Variants in PHLDB1 observed in about 807,000 individuals in gnomAD.
The protein encoded by PHLDB1 is pleckstrin homology-like domain family B member 1.
In PHLDB1, 65 loss-of-function variants were observed where a neutral mutation model predicts 139.3. The ratio of observed to expected loss-of-function variants is 0.47; its 90% CI spans 0.38 to 0.57. The LOEUF (loss-of-function observed/expected upper bound fraction) is 0.57, where lower values mean the gene tolerates loss of function less well. Ranked by LOEUF, PHLDB1 falls within the 20% of genes least tolerant of loss-of-function variation. PHLDB1 has a pLI of 0.00. For synonymous variants in PHLDB1, 679 were observed against 734.5 expected (o/e 0.92, Z 1.22); for missense variants, 1,624 against 1,839.7 (o/e 0.88, Z 2.14).
At chr11:118,630,203 G>A in intron 6 of PHLDB1, 4 of 534,726 alleles carry the variant, frequency 7.5e-6, no homozygotes, top group South Asian at 6.6e-5. Context: ...AGCCATGGAA[G>A]CCTCACAAAC....
intron 20 of PHLDB1, chr11:118,652,152 A>T (rs1555137834): frequency 6.6e-6 from 1 of 152,144 alleles, no homozygotes; most frequent in African/African-American, 2.4e-5. Context: ...AGAGATGCTC[A>T]GGTCTGGAGT....
At chr11:118,653,962 G>C (rs1555139520) in intron 20 of PHLDB1, 1 of 152,224 alleles carries the variant, frequency 6.6e-6, no homozygotes. Context: ...TATTATTAAG[G>C]GAACAGTGAG....
Position 118,631,961 on chromosome 11 carries a change from G to A in PHLDB1, c.2149G>A (p.Glu717Lys). 1.2e-6 allele frequency: 2 copies of A among 1,614,152 alleles called. No individual in the cohort carries two copies. Among genetic ancestry groups the A allele is most frequent in the Non-Finnish European group, 8.5e-7 (1 of 1,180,010 alleles). The change falls in exon 8 of 23, where the codon GAA (glutamate) becomes AAA (lysine). Residue 717 changes from glutamate to lysine, a missense_variant. Glu to Lys is a moderately conservative substitution (Grantham distance 56, BLOSUM62 1). Coordinates refer to ENST00000600882, the MANE Select transcript of PHLDB1 (RefSeq NM_001144758.3). ...GCTCCAGGGAGAGGTGCTAGCCCTG[G>A]AAGAAGAGCGGGCTCAGGTGCTGGG... The part of the protein sequence containing the change: ...TKLQGEVLAL[E>K]EERAQVLGHV...
chr11:118,614,643 C>T lies in PHLDB1; in HGVS notation c.145C>T (p.Arg49Ter), dbSNP rs1327961699. The T allele has an allele frequency of 4.3e-6, 7 of 1,613,644 alleles. No individual in the cohort carries two copies. The highest frequency in any genetic ancestry group is 1.3e-5 in the African/African-American group (1 of 74,868). ...KPHLVSLGSG[R>*]LSTAITLLPL... ...CCACCTGGTGAGCCTGGGCAGTGGG[C>T]GACTCAGCACAGCCATCACCCTCCT... Residue 49 changes from arginine to a stop codon, truncating the protein, a stop_gained, in exon 3 of 23, where the codon CGA becomes TGA. Transcript: ENST00000600882. LOFTEE classifies it high-confidence loss of function.
rs1947817181 is a variant in PHLDB1, at chr11:118,648,163, C to G, written c.3654+87C>G. 22 of 1,285,420 alleles carry G rather than the reference C, an allele frequency of 1.7e-5. No individual in the cohort carries two copies. In the South Asian group the frequency reaches 2.6e-4, roughly 15 times the overall value. The allele number at this position is 1,285,420 out of a possible 1,614,324, so 79.6% of individuals were successfully genotyped here. A position where few individuals can be genotyped will look rare whatever the true frequency, so the allele number is the denominator to read the frequency against. On this transcript the variant is annotated intron_variant, in intron 18 of 22. Transcript: ENST00000600882. ...GAGATCCCAGGGTTTCTGTGTTGGG[C>G]TGTAAAACCTGTTCTACTCCAGAAA...
At chr11:118,651,865 G>A (rs997388229) in intron 20 of PHLDB1, 3 of 152,110 alleles carry the variant, frequency 2.0e-5, no homozygotes, top group Non-Finnish European at 4.4e-5. Flanking sequence ...ACTGCACATT[G>A]TGAGTTGGTG....
chr11:118,651,321 C>G (rs1345027790), intron 20 of PHLDB1: 2 of 152,174 alleles, frequency 1.3e-5, no homozygotes, highest in African/African-American at 4.8e-5. Flanking sequence ...GAAACTTTGT[C>G]TCTACTAAAA....
At chr11:118,652,404 T>A (rs1299185489) in intron 20 of PHLDB1, 1 of 152,126 alleles carries the variant, frequency 6.6e-6, no homozygotes, top group Non-Finnish European at 1.5e-5. Flanking sequence ...GACATCTAGG[T>A]TTAGGAGGAT....
In PHLDB1 at chr11:118,627,743, G is replaced by A. The variant is rs145699167; in HGVS notation, c.920G>A (p.Arg307His). The A allele has an allele frequency of 1.6e-5, 25 of 1,608,648 alleles. No homozygotes were observed. Among genetic ancestry groups the A allele is most frequent in the Middle Eastern group, 1.6e-4 (1 of 6,076 alleles). ...QPPQSRPSGA[R>H]SESPRLSRKG... ...CCACAGTCCCGCCCAAGTGGTGCTC[G>A]CTCCGAGAGTCCTCGGCTGAGCAGG... Residue 307 changes from arginine to histidine, a missense_variant, in exon 6 of 23, where the codon CGC becomes CAC. By Grantham distance (29) the Arg-to-His change is conservative. Coordinates refer to ENST00000600882, the MANE Select transcript of PHLDB1 (RefSeq NM_001144758.3).
At chr11:118,652,558 G>A (rs1035777641) in intron 20 of PHLDB1, 2 of 152,238 alleles carry the variant, frequency 1.3e-5, no homozygotes, top group African/African-American at 4.8e-5. Flanking sequence ...ATAATCCTAT[G>A]AGGGAAACAC....
intron 18 of PHLDB1, among the ~76,000 whole-genome samples, chr11:118,648,311 GT>G (rs1947865269): frequency 7.1e-6 from 1 of 141,266 alleles, no homozygotes; most frequent in African/African-American, 2.7e-5. Flanking sequence ...GTGTGTGTGT[GT>G]GTGTGTGTGT....
chr11:118,630,217 G>C, intron 6 of PHLDB1: 2 of 460,306 alleles, frequency 4.3e-6, no homozygotes. Flanking sequence ...CACAAACCAG[G>C]CTTCAGGCCT....
chr11:118,635,089 C>G (rs1555114323), intron 9 of PHLDB1: 1 of 536,170 alleles, frequency 1.9e-6, no homozygotes, highest in Non-Finnish European at 3.5e-6. Context: ...GCCCCGCGGG[C>G]CACGCCCCAG....
At chr11:118,617,890 C>T (rs559150715) in intron 4 of PHLDB1, among the ~76,000 whole-genome samples, 1 of 152,162 alleles carries the variant, frequency 6.6e-6, no homozygotes, top group Admixed American at 6.5e-5. Flanking sequence ...GGAGATGAGA[C>T]AATAGAGCAG....
chr11:118,657,026 C>T lies in PHLDB1; in HGVS notation c.*203C>T. 2.0e-6 allele frequency: 1 copy of T among 493,176 alleles called. No individual in the cohort carries two copies. The highest frequency in any genetic ancestry group is 3.5e-5 in the South Asian group (1 of 28,594). 30.6% of individuals were successfully genotyped at this position (493,176 alleles called of 1,614,324 possible). A position where few individuals can be genotyped will look rare whatever the true frequency, so the allele number is the denominator to read the frequency against. On this transcript the variant is annotated 3_prime_UTR_variant, in exon 23 of 23. Coordinates refer to ENST00000600882, the MANE Select transcript of PHLDB1 (RefSeq NM_001144758.3). ...TTTAGGGTCCTGCCCCAGGCCCAGC[C>T]AGGGCTGAGGAGCTGTCACAGAGAG...
intron 15 of PHLDB1, chr11:118,644,710 A>T (rs1255746858): frequency 8.5e-6 from 11 of 1,287,088 alleles, no homozygotes; most frequent in African/African-American, 4.6e-5. Context: ...TTGGTCATAG[A>T]GGGCATTGCT....
rs868986043 is a variant in PHLDB1 at position 118,632,930 on chromosome 11, T to A, written c.2379+634T>A. The A allele has an allele frequency of 6.1e-5, 45 of 734,392 alleles. No homozygotes were observed. The Middle Eastern group carries it at 2.1e-3, about 35-fold the overall frequency. 45.5% of individuals were successfully genotyped at this position (734,392 alleles called of 1,614,324 possible). The stretch of plus-strand genomic sequence containing the variant: ...TTTTCCAATAATTTAATTTTCCTTC[T>A]GGATTTTTTGAGTTTCTTCCTCCTG... On this transcript the variant is annotated intron_variant, in intron 9 of 22. Transcript: ENST00000600882. The surrounding 1 kb of genome is among the most constrained non-coding windows in gnomAD (Gnocchi z 5.9).
chr11:118,623,939 G>T (rs1259669942), intron 4 of PHLDB1: 2 of 151,920 alleles, frequency 1.3e-5, no homozygotes, highest in African/African-American at 4.9e-5. Flanking sequence ...TCGCTCTGTT[G>T]CCCAGGCTGG....
chr11:118,631,629 A>C, intron 7 of PHLDB1, 150 bp downstream of exon 7: 1 of 762,128 alleles, frequency 1.3e-6, no homozygotes, highest in East Asian at 2.9e-5. Context: ...TGAGACAAGG[A>C]AGAGAAGGGA....
Sources: gnomAD v4.1 joint callset for allele counts (sites outside exome capture counted in the v4.1 genomes callset) on GRCh38, gnomAD v4.1.1 for gene constraint, Gnocchi (gnomAD v3.1) non-coding constraint, MANE v1.5 for transcripts, NCBI Gene and HGNC (gene_info 2026-07-23, HGNC 2026-07-21) for gene names.